Variants in GSG1L observed in about 807,000 individuals in gnomAD.
The protein encoded by GSG1L is GSG1 like, also known as germ cell-specific gene 1-like protein.
A neutral mutation model predicts 42.1 loss-of-function variants in GSG1L; 24 were observed. That is an observed-to-expected ratio of 0.57 (90% CI 0.41 to 0.80). The LOEUF is 0.80. Ranked by LOEUF, GSG1L falls within the 30% of genes least tolerant of loss-of-function variation. GSG1L has a pLI of 0.00. For synonymous variants in GSG1L, 215 were observed against 203.5 expected (o/e 1.06, Z -0.48); for missense variants, 445 against 472.2 (o/e 0.94, Z 0.53).
At chr16:28,050,436 G>A (rs2086209510) in intron 1 of GSG1L, among the ~76,000 whole-genome samples, 1 of 152,302 alleles carries the variant, frequency 6.6e-6, no homozygotes, top group South Asian at 2.1e-4. Flanking sequence ...GAAGGGCTGG[G>A]ATTGGAGGCG....
At chr16:28,003,484 G>A (rs2085601753) in intron 1 of GSG1L, among the ~76,000 whole-genome samples, 1 of 152,134 alleles carries the variant, frequency 6.6e-6, no homozygotes, top group Non-Finnish European at 1.5e-5. Context: ...CCACCTCCCA[G>A]AGTCCTCCAA....
chr16:28,050,824 C>T (rs1319621489), intron 1 of GSG1L, among the ~76,000 whole-genome samples: 1 of 152,154 alleles, frequency 6.6e-6, no homozygotes, highest in African/African-American at 2.4e-5. Context: ...TATAAGCCAC[C>T]ATCACCAATG....
intron 4 of GSG1L, among the ~76,000 whole-genome samples, chr16:27,833,564 G>A (rs577287654): frequency 3.3e-5 from 5 of 152,042 alleles, no homozygotes; most frequent in African/African-American, 1.2e-4. Context: ...TGAGTGTTCT[G>A]ATCCATGAAC....
intron 2 of GSG1L, among the ~76,000 whole-genome samples, chr16:27,909,269 T>G (rs949965678): frequency 6.6e-6 from 1 of 152,142 alleles, no homozygotes; most frequent in Non-Finnish European, 1.5e-5. Context: ...GACCCACACC[T>G]CATTCACTAT....
chr16:27,869,458 T>C (rs2083774403), intron 3 of GSG1L, among the ~76,000 whole-genome samples: 1 of 151,218 alleles, frequency 6.6e-6, no homozygotes, highest in African/African-American at 2.5e-5. Context: ...TCTCTGCTTC[T>C]CTCTCTCTGT....
At chr16:28,014,726 T>C (rs189397851) in intron 1 of GSG1L, among the ~76,000 whole-genome samples, 1 of 145,602 alleles carries the variant, frequency 6.9e-6, no homozygotes, top group African/African-American at 2.5e-5. Flanking sequence ...CTTGAACTCC[T>C]AGGCTCAGGC....
intron 1 of GSG1L, among the ~76,000 whole-genome samples, chr16:28,006,721 C>T (rs1231598910): frequency 6.6e-6 from 1 of 152,126 alleles, no homozygotes; most frequent in Non-Finnish European, 1.5e-5. Flanking sequence ...TCATTTATTA[C>T]AGCACCCACA....
chr16:28,015,573 G>A (rs2085771342), intron 1 of GSG1L, among the ~76,000 whole-genome samples: 1 of 152,200 alleles, frequency 6.6e-6, no homozygotes. Flanking sequence ...GAACATCAGT[G>A]CTGAAAGACT....
chr16:27,910,794 G>C (rs1450108184), intron 2 of GSG1L, among the ~76,000 whole-genome samples: 1 of 152,186 alleles, frequency 6.6e-6, no homozygotes, highest in Admixed American at 6.5e-5. Context: ...CAGCAGGATT[G>C]CTTGAGCCCA....
chr16:27,973,808 T>C (rs947121722), intron 1 of GSG1L, among the ~76,000 whole-genome samples: 2 of 152,158 alleles, frequency 1.3e-5, no homozygotes, highest in Non-Finnish European at 2.9e-5. Flanking sequence ...GCAGGGCTTG[T>C]TGTCAACCAC....
intron 2 of GSG1L, among the ~76,000 whole-genome samples, chr16:27,955,089 C>T (rs890304624): frequency 5.3e-5 from 8 of 152,036 alleles, no homozygotes; most frequent in African/African-American, 1.7e-4. Context: ...TAAACGTGAA[C>T]ATCAGATGTT....
In GSG1L at chr16:27,802,251, G is replaced by A. The variant is rs370721764; in HGVS notation, c.898+5236C>T. On this transcript the variant is annotated intron_variant, in intron 6 of 6. Transcript: ENST00000447459. Reference sequence around the variant, plus strand: ...TTCGTCTCCATGCTCCCAGGAGCCAGAGAGGTCTCCTTAGTAATGATTTGT... The same window carrying A: ...TTCGTCTCCATGCTCCCAGGAGCCAAAGAGGTCTCCTTAGTAATGATTTGT... 3.9e-5 allele frequency among the ~76,000 whole-genome samples: 6 copies of A among 152,312 alleles called. 1 individual carries two copies. Among genetic ancestry groups the A allele is most frequent in the South Asian group, 2.1e-4 (1 of 4,822 alleles).
At chr16:27,997,977 G>A (rs1305794067) in intron 1 of GSG1L, among the ~76,000 whole-genome samples, 9 of 150,064 alleles carry the variant, frequency 6.0e-5, no homozygotes, top group South Asian at 2.1e-4. Context: ...CTCCTGACTC[G>A]GCCTCCCAAA....
chr16:27,802,228 C>T (rs149837235), intron 6 of GSG1L, among the ~76,000 whole-genome samples: 3 of 152,246 alleles, frequency 2.0e-5, no homozygotes, highest in South Asian at 2.1e-4. Context: ...GTGCCTTATT[C>T]GTCTCCATGC....
chr16:27,792,117 TC>T (rs2082762054), intron 6 of GSG1L, among the ~76,000 whole-genome samples: 1 of 151,900 alleles, frequency 6.6e-6, no homozygotes, highest in Admixed American at 6.6e-5. Flanking sequence ...CATCCTGTCA[TC>T]CTGCAGCTGT....
chr16:28,040,728 G>C lies in GSG1L; in HGVS notation c.349+22348C>G, dbSNP rs144597506. 6.8e-3 allele frequency among the ~76,000 whole-genome samples: 1,037 copies of C among 152,306 alleles called. 8 individuals are homozygous for C. The highest frequency in any genetic ancestry group is 0.021 in the African/African-American group (859 of 41,582). On this transcript the variant is annotated intron_variant, in intron 1 of 6. Coordinates refer to ENST00000447459, the MANE Select transcript of GSG1L (RefSeq NM_001109763.2). This position sits in a 1 kb window ranked among gnomAD's most constrained non-coding sequence, Gnocchi z 4.1. ...GGCCCCTCTGGGCTTGCAGGCAGGT[G>C]GGGGAACTTGCAGGTGGCTCTGGAG...
At chr16:28,015,686 A>G (rs4787443) in intron 1 of GSG1L, among the ~76,000 whole-genome samples, 75,395 of 152,156 alleles carry the variant, frequency 0.5, 20,718 homozygotes, top group Non-Finnish European at 0.61. Flanking sequence ...TAATGAGGAA[A>G]GTGTGTCCAT....
intron 5 of GSG1L, among the ~76,000 whole-genome samples, chr16:27,811,627 C>G (rs893810617): frequency 2.0e-5 from 3 of 152,188 alleles, no homozygotes; most frequent in Non-Finnish European, 4.4e-5. Context: ...CCATCCTCAG[C>G]TCCCAATTCT....
intron 1 of GSG1L, among the ~76,000 whole-genome samples, chr16:27,999,417 C>A (rs2085556702): frequency 6.6e-6 from 1 of 152,172 alleles, no homozygotes; most frequent in Admixed American, 6.5e-5. Flanking sequence ...ATAATAATCA[C>A]TGATGGAAAG....
Sources: allele counts gnomAD v4.1 joint callset (sites outside exome capture counted in the v4.1 genomes callset), GRCh38; gene constraint gnomAD v4.1.1; non-coding constraint Gnocchi (gnomAD v3.1); transcripts MANE v1.5; gene names NCBI Gene and HGNC (gene_info 2026-07-23, HGNC 2026-07-21).